The following AFF1 variants were observed in gnomAD, a reference collection of about 807,000 sequenced individuals.
AFF1 encodes AF4/FMR2 family member 1.
In AFF1, 48 loss-of-function variants were observed where a neutral mutation model predicts 121.7. That is an observed-to-expected ratio of 0.39 (90% CI 0.31 to 0.50). The LOEUF (loss-of-function observed/expected upper bound fraction) is 0.50. AFF1 is among the 20% of genes least tolerant of loss of function. AFF1 has a pLI of 0.76. For synonymous variants in AFF1, 613 were observed against 563.0 expected, an observed-to-expected ratio of 1.09 and a Z score of -1.26; for missense variants, 1,523 against 1,511.7, an observed-to-expected ratio of 1.01 and a Z score of -0.12.
At chr4:86,944,159 A>G (rs990313968) in intron 1 of AFF1, among the ~76,000 whole-genome samples, 1 of 151,084 alleles carries the variant, frequency 6.6e-6, no homozygotes, top group African/African-American at 2.4e-5. Context: ...AAAAAAAAAA[A>G]AAAAGTCTTC....
At chr4:86,987,628 C>T (rs529184603) in intron 2 of AFF1, among the ~76,000 whole-genome samples, 1 of 152,250 alleles carries the variant, frequency 6.6e-6, no homozygotes, top group Non-Finnish European at 1.5e-5. Flanking sequence ...GCACACCACC[C>T]CCTTTTTGCA....
intron 8 of AFF1, among the ~76,000 whole-genome samples, chr4:87,101,172 C>A (rs1028879827): frequency 1.3e-5 from 2 of 152,158 alleles, no homozygotes; most frequent in African/African-American, 4.8e-5. Context: ...TTCATCTCTT[C>A]TTCGTTTAGC....
At chr4:87,084,597 T>A (rs992397021) in intron 5 of AFF1, among the ~76,000 whole-genome samples, 4 of 100,838 alleles carry the variant, frequency 4.0e-5, no homozygotes, top group African/African-American at 1.5e-4. Flanking sequence ...AATAAATAAA[T>A]AAATAAAAAA....
At chr4:87,001,464 C>A (rs1021439348) in intron 2 of AFF1, among the ~76,000 whole-genome samples, 1 of 152,084 alleles carries the variant, frequency 6.6e-6, no homozygotes, top group East Asian at 1.9e-4. Context: ...GATCCACCCG[C>A]CTCGGCCTCC....
At chr4:86,989,306 T>A (rs550787885) in intron 2 of AFF1, among the ~76,000 whole-genome samples, 1 of 152,282 alleles carries the variant, frequency 6.6e-6, no homozygotes, top group African/African-American at 2.4e-5. Flanking sequence ...AGGGCTAATA[T>A]CCAGAATCTA....
intron 11 of AFF1, among the ~76,000 whole-genome samples, chr4:87,111,456 T>C (rs556960721): frequency 1.5e-4 from 23 of 151,778 alleles, no homozygotes; most frequent in Non-Finnish European, 2.5e-4. Flanking sequence ...CGGGTTCAAG[T>C]GATTCTCCTG....
At chr4:87,013,029 GTTCTTTTT>G (rs747351153) in intron 2 of AFF1, among the ~76,000 whole-genome samples, 1 of 84,314 alleles carries the variant, frequency 1.2e-5, no homozygotes, top group African/African-American at 6.3e-5. Context: ...CTGCTATCAA[GTTCTTTTT>G]TTTTTTTTTT....
chr4:87,064,878 GAAAAAA>G (rs397932923), intron 4 of AFF1, among the ~76,000 whole-genome samples: 1 of 139,084 alleles, frequency 7.2e-6, no homozygotes, highest in African/African-American at 2.6e-5. Flanking sequence ...CGTCTCAAAA[GAAAAAA>G]AAAAAAAAGC....
chr4:87,016,315 G>A (rs1727294203), intron 2 of AFF1, among the ~76,000 whole-genome samples: 1 of 152,016 alleles, frequency 6.6e-6, no homozygotes, highest in Non-Finnish European at 1.5e-5. Context: ...CCAAGTTTTT[G>A]TAAAAGTGAT....
intron 2 of AFF1, among the ~76,000 whole-genome samples, chr4:87,027,559 A>T (rs1728638244): frequency 6.6e-6 from 1 of 152,204 alleles, no homozygotes; most frequent in South Asian, 2.1e-4. Context: ...TGTTGGAAAA[A>T]TGTGGGGCAC....
intron 12 of AFF1, among the ~76,000 whole-genome samples, chr4:87,117,731 C>T (rs1356962229): frequency 1.3e-5 from 2 of 152,212 alleles, no homozygotes; most frequent in Non-Finnish European, 2.9e-5. Context: ...AACCAGTCAA[C>T]CGTATTCTTA....
At chr4:86,979,798 G>T (rs1190077865) in intron 2 of AFF1, among the ~76,000 whole-genome samples, 1 of 151,988 alleles carries the variant, frequency 6.6e-6, no homozygotes, top group Non-Finnish European at 1.5e-5. Context: ...ATACATAGCT[G>T]GTGGGAACGC....
intron 19 of AFF1, among the ~76,000 whole-genome samples, chr4:87,133,343 T>A (rs1217065186): frequency 6.6e-6 from 1 of 152,216 alleles, no homozygotes; most frequent in Non-Finnish European, 1.5e-5. Context: ...CTTGTGAAGT[T>A]CCTAGTTCTG....
At chr4:87,007,076 C>T (rs1726207946) in intron 2 of AFF1, 4 of 1,221,682 alleles carry the variant, frequency 3.3e-6, no homozygotes, top group Non-Finnish European at 4.1e-6. Context: ...CGTGGGGGCC[C>T]GCTGGCTTTC....
At chr4:86,991,457 AAAAG>A (rs1447343759) in intron 2 of AFF1, among the ~76,000 whole-genome samples, 3 of 126,376 alleles carry the variant, frequency 2.4e-5, no homozygotes, top group Non-Finnish European at 5.5e-5. Context: ...AAAAAAAAAA[AAAAG>A]AAATATGCAG....
intron 11 of AFF1, among the ~76,000 whole-genome samples, chr4:87,113,319 T>C (rs1726746122): frequency 6.6e-6 from 1 of 152,118 alleles, no homozygotes; most frequent in Admixed American, 6.6e-5. Context: ...TGTGTCACTC[T>C]GTCACCTAAG....
chr4:87,077,434 T>C, intron 4 of AFF1, among the ~76,000 whole-genome samples: 1 of 152,322 alleles, frequency 6.6e-6, no homozygotes, highest in East Asian at 1.9e-4. Context: ...AATAGAAAAT[T>C]TAGCTGTACT....
At chr4:86,950,960 G>A (rs918028733) in intron 2 of AFF1, among the ~76,000 whole-genome samples, 1 of 152,182 alleles carries the variant, frequency 6.6e-6, no homozygotes, top group African/African-American at 2.4e-5. Context: ...GCTGGCACTT[G>A]TACGATTTCA....
In AFF1 at chr4:87,126,336, G is replaced by A; in HGVS notation, c.2811G>A (p.Lys937=). Residue 937 remains lysine, a splice_region_variant and synonymous_variant, in exon 14 of 21, where the codon AAG becomes AAA. Transcript: ENST00000395146. ...GCTCCAGAAGCTCCTCGGAGCACAA[G>A]GTGAGCAGGGGCGGCGGTCACTCTG... ...GKGSRSSSEH[K]GSSGDTANPF... is the part of the protein sequence containing the mutation. 1.9e-6 allele frequency: 3 copies of A among 1,613,450 alleles called. No homozygotes were observed. Among genetic ancestry groups the A allele is most frequent in the Non-Finnish European group, 2.5e-6 (3 of 1,179,380 alleles).
Sources: allele counts gnomAD v4.1 joint callset (sites outside exome capture counted in the v4.1 genomes callset), GRCh38; gene constraint gnomAD v4.1.1; transcripts MANE v1.5; gene names NCBI Gene and HGNC (gene_info 2026-07-23, HGNC 2026-07-21).